B4GALT1: variants seen among roughly 807,000 people sequenced by gnomAD.
B4GALT1 encodes beta-1,4-galactosyltransferase 1, also known as N-acetyllactosamine synthase.
B4GALT1 carries 16 observed loss-of-function variants against 34.9 expected under a neutral mutation model. The observed-to-expected ratio is 0.46, with a 90% CI of 0.31 to 0.70. B4GALT1 has a LOEUF of 0.70. Ranked by LOEUF, B4GALT1 falls within the 30% of genes least tolerant of loss-of-function variation. B4GALT1 has a pLI of 0.05. For missense variants in B4GALT1, 445 were observed against 530.5 expected (o/e 0.84, Z 1.58); for synonymous variants, 221 against 218.1 (o/e 1.01, Z -0.12).
the B4GALT1 span, among the ~76,000 whole-genome samples, chr9:33,174,973 AAAAAAAAAAAAAAAAAAAT>A: frequency 8.7e-5 from 3 of 34,488 alleles, no homozygotes; most frequent in African/African-American, 2.7e-4. Flanking sequence ...AAAAAAAAAA[AAAAAAAAAAAAAAAAAAAT>A]ATATATATAT....
chr9:33,128,590 C>T (rs1368965482), intron 2 of B4GALT1, among the ~76,000 whole-genome samples: 2 of 152,180 alleles, frequency 1.3e-5, no homozygotes, highest in Non-Finnish European at 2.9e-5. Flanking sequence ...ATTCCCCACC[C>T]CGGCAAGCTC....
At chr9:33,125,796 T>C (rs1186873214) in intron 2 of B4GALT1, among the ~76,000 whole-genome samples, 6 of 152,200 alleles carry the variant, frequency 3.9e-5, no homozygotes, top group African/African-American at 1.2e-4. Flanking sequence ...AGGGCCACTC[T>C]TGTCCAAGTT....
At chr9:33,172,902 G>A in the B4GALT1 span, among the ~76,000 whole-genome samples, 5 of 150,634 alleles carry the variant, frequency 3.3e-5, no homozygotes, top group East Asian at 5.9e-4. Context: ...CATAGACAGG[G>A]TGTCAAAGCC....
At position 33,113,530 on chromosome 9, in the gene B4GALT1, A is replaced by T; in HGVS notation, c.1121T>A (p.Leu374His). 1 of 1,614,256 alleles carries T rather than the reference A, an allele frequency of 6.2e-7. No individual in the cohort carries two copies. The highest frequency in any genetic ancestry group is 8.5e-7 in the Non-Finnish European group (1 of 1,180,050). Residue 374 changes from leucine (L) to histidine (H), a missense_variant, in exon 6 of 6, where the codon CTC becomes CAC. Physicochemically the swap from Leu to His is moderately conservative, Grantham distance 99 (BLOSUM62 -3). Around this residue, in one of 3 missense-constraint regions of B4GALT1, gnomAD observed 89 missense variants for 107.6 expected, o/e 0.83. Coordinates refer to ENST00000379731, the MANE Select transcript of B4GALT1 (RefSeq NM_001497.4). Reference sequence around the variant, plus strand: ...CTGTACATCCAGCACCTGGTAGGTGAGTGAGTTCAAACCATCAGAGAGCAT... The same window carrying T: ...CTGTACATCCAGCACCTGGTAGGTGTGTGAGTTCAAACCATCAGAGAGCAT... ...ETMLSDGLNSLTYQVLDVQRY... is the reference protein window; with the variant it reads ...ETMLSDGLNSHTYQVLDVQRY...
chr9:33,123,069 G>C (rs1427343355), intron 2 of B4GALT1, among the ~76,000 whole-genome samples: 1 of 152,090 alleles, frequency 6.6e-6, no homozygotes, highest in African/African-American at 2.4e-5. Flanking sequence ...CCTCAGGTCA[G>C]GAGTTTGAGA....
downstream of B4GALT1, among the ~76,000 whole-genome samples, chr9:33,107,837 C>T (rs931250657): frequency 6.6e-6 from 1 of 152,134 alleles, no homozygotes; most frequent in African/African-American, 2.4e-5. Context: ...TCCTAAACAC[C>T]TTCACTCAGG....
In B4GALT1 at chr9:33,157,063, TACACACACACACACACACACAC is replaced by T. The variant is rs371027641; in HGVS notation, c.412+9673_412+9694del. Among the ~76,000 whole-genome samples, 3 of 87,280 alleles carry T rather than the reference TACACACACACACACACACACAC, an allele frequency of 3.4e-5. 1 individual carries two copies. The highest frequency in any genetic ancestry group is 6.3e-5 in the African/African-American group (1 of 15,920). 57.3% of individuals were successfully genotyped at this position (87,280 alleles called of 152,430 possible). On this transcript the variant is annotated intron_variant, in intron 1 of 5. Coordinates refer to ENST00000379731, the MANE Select transcript of B4GALT1 (RefSeq NM_001497.4). ...CCACATGGTGTCCAGCATAGGGAAC[TACACACACACACACACACACAC>T]ACACACACACACACACGGTGTCCAG...
intron 1 of B4GALT1, among the ~76,000 whole-genome samples, chr9:33,164,318 C>T (rs2118328099): frequency 6.6e-6 from 1 of 152,290 alleles, no homozygotes; most frequent in South Asian, 2.1e-4. Flanking sequence ...CTCCCCCCAC[C>T]CACACACTCC....
intron 1 of B4GALT1, among the ~76,000 whole-genome samples, chr9:33,154,604 T>C (rs1197673731): frequency 6.6e-6 from 1 of 152,236 alleles, no homozygotes; most frequent in African/African-American, 2.4e-5. Context: ...TTCAGTGATG[T>C]AGGTGGTTGT....
At chr9:33,164,119 G>T (rs1840714797) in intron 1 of B4GALT1, among the ~76,000 whole-genome samples, 3 of 152,148 alleles carry the variant, frequency 2.0e-5, no homozygotes, top group Non-Finnish European at 4.4e-5. Flanking sequence ...ACCCACACCT[G>T]TCAGCTGAGA....
At position 33,166,943 on chromosome 9, in the gene B4GALT1, TC is replaced by T. The variant is rs1159184644; in HGVS notation, c.226del (p.Glu76SerfsTer13). 2 of 1,572,920 alleles carry T rather than the reference TC, an allele frequency of 1.3e-6. No individual in the cohort carries two copies. Among genetic ancestry groups the T allele is most frequent in the Non-Finnish European group, 8.6e-7 (1 of 1,166,604 alleles). ...CGGCCGGGCCCCTCCGGTCCGGAGC[TC>T]CCCGGAGGACTGCCCGATGGCGGCG... ...SAAAIGQSSG[E>X]LRTGGARPPP... On this transcript the variant is annotated frameshift_variant, in exon 1 of 6. Transcript: ENST00000379731. LOFTEE classifies it high-confidence loss of function.
At chr9:33,143,223 T>C (rs1054788375) in intron 1 of B4GALT1, among the ~76,000 whole-genome samples, 1 of 152,110 alleles carries the variant, frequency 6.6e-6, no homozygotes, top group Admixed American at 6.5e-5. Flanking sequence ...GGTGGCCAAG[T>C]GGGAAGCTAG....
At chr9:33,157,054 A>G (rs1840603237) in intron 1 of B4GALT1, among the ~76,000 whole-genome samples, 1 of 142,126 alleles carries the variant, frequency 7.0e-6, no homozygotes, top group Non-Finnish European at 1.5e-5. Context: ...GGTGTCCAGC[A>G]TAGGGAACTA....
rs1034717544 is a variant in B4GALT1, at chr9:33,120,535, G to A, written c.720C>T (p.Asp240=). 4 of 1,614,114 alleles carry A rather than the reference G, an allele frequency of 2.5e-6. No homozygotes were observed. The African/African-American group carries it at 5.3e-5, about 22-fold the overall frequency. ...CGTCACTAAACACAAAGCAGGTGTA[G>A]TCATAGTCCTTCAAGGCTTCTTGAA... ...VGFQEALKDY[D]YTCFVFSDVD... Residue 240 remains aspartate (D), a synonymous_variant, in exon 3 of 6, where the codon GAC becomes GAT. Coordinates refer to ENST00000379731, the MANE Select transcript of B4GALT1 (RefSeq NM_001497.4).
At chr9:33,173,073 G>A in the B4GALT1 span, among the ~76,000 whole-genome samples, 2 of 152,252 alleles carry the variant, frequency 1.3e-5, no homozygotes, top group South Asian at 2.1e-4. Context: ...GCCAAGATGT[G>A]ATGAAGAGAG....
chr9:33,113,908 A>G lies in B4GALT1; in HGVS notation c.960-30T>C, dbSNP rs1271272661. The G allele has an allele frequency of 3.7e-6, 6 of 1,605,148 alleles. No individual in the cohort carries two copies. The Admixed American group carries it at 1.0e-4, about 27-fold the overall frequency. ...AAAGAGTAAAGGGAAAGTCATTATC[A>G]CAGAGCTGCCATACACTTGGCCTGA... On this transcript the variant is annotated intron_variant, in intron 4 of 5. Coordinates refer to ENST00000379731, the MANE Select transcript of B4GALT1 (RefSeq NM_001497.4).
intron 2 of B4GALT1, among the ~76,000 whole-genome samples, chr9:33,122,598 C>T (rs117778489): frequency 0.019 from 2,944 of 152,252 alleles, 53 homozygotes; most frequent in Middle Eastern, 0.082. Flanking sequence ...CACAGATGTG[C>T]CACAGCCACC....
chr9:33,114,415 C>T (rs546689513), intron 4 of B4GALT1, among the ~76,000 whole-genome samples: 5 of 152,268 alleles, frequency 3.3e-5, no homozygotes, highest in East Asian at 3.9e-4. Context: ...TGGGGTAGGA[C>T]GTGGCAGGTG....
intron 1 of B4GALT1, among the ~76,000 whole-genome samples, chr9:33,165,954 C>T (rs1840745141): frequency 6.6e-6 from 1 of 152,160 alleles, no homozygotes; most frequent in South Asian, 2.1e-4. Flanking sequence ...AAATGGGCAA[C>T]GTGGTGTTGA....
Sources: allele counts gnomAD v4.1 joint callset (sites outside exome capture counted in the v4.1 genomes callset), GRCh38; gene constraint gnomAD v4.1.1; regional missense constraint gnomAD v4.1.1; transcripts MANE v1.5; gene names NCBI Gene and HGNC (gene_info 2026-07-23, HGNC 2026-07-21).